Variants in TMC7 observed in about 807,000 individuals in gnomAD.
TMC7 encodes the protein transmembrane channel-like protein 7.
Under a neutral mutation model 82.9 loss-of-function variants are expected in TMC7, and 54 were observed. The observed-to-expected ratio is 0.65, with a 90% CI of 0.52 to 0.82. The LOEUF (loss-of-function observed/expected upper bound fraction) is 0.82. TMC7 is among the 40% of genes least tolerant of loss of function. TMC7 has a pLI of 0.00. For synonymous variants in TMC7, 350 were observed against 337.9 expected (o/e 1.04, Z -0.39); for missense variants, 820 against 901.2 (o/e 0.91, Z 1.15).
chr16:19,048,234 A>G (rs6497321), intron 12 of TMC7, among the ~76,000 whole-genome samples: 3 of 151,262 alleles, frequency 2.0e-5, no homozygotes, highest in Admixed American at 6.6e-5. Flanking sequence ...CTTCAACCCC[A>G]CAAAGTGCTG....
chr16:19,017,241 TA>T (rs1959738490), intron 3 of TMC7, among the ~76,000 whole-genome samples: 2 of 151,968 alleles, frequency 1.3e-5, no homozygotes, highest in Non-Finnish European at 2.9e-5. Context: ...CTATCACACA[TA>T]TTTTTAAAAT....
In TMC7 at chr16:19,009,240, T is replaced by C. The variant is rs2039293367; in HGVS notation, c.136T>C (p.Tyr46His). ...GAACTTCCTCCAAGAATTGCCAAGC[T>C]ACCGGTCCATTGCACGTAGGAGAAC... Reference protein sequence around the residue: ...PVNFLQELPSYRSIARRRTTV... With the variant: ...PVNFLQELPSHRSIARRRTTV... The change falls in exon 2 of 16, where the codon TAC becomes CAC. Residue 46 changes from tyrosine (Y) to histidine (H), a missense_variant. Tyr to His is a moderately conservative substitution (Grantham distance 83, BLOSUM62 2). Transcript: ENST00000304381. 6.2e-7 allele frequency: 1 copy of C among 1,614,062 alleles called. No homozygotes were observed. The highest frequency in any genetic ancestry group is 1.3e-5 in the African/African-American group (1 of 74,926).
chr16:19,044,955 A>C lies in TMC7; in HGVS notation c.1409A>C (p.Asp470Ala). The C allele has an allele frequency of 6.2e-7, 1 of 1,613,844 alleles. No individual in the cohort carries two copies. The highest frequency in any genetic ancestry group is 8.5e-7 in the Non-Finnish European group (1 of 1,179,930). Reference sequence around the variant, plus strand: ...CTGGGCTCCAAGATCACATCCTGTGATGATGACACATGTGACCTTTGCGGC... The same window carrying C: ...CTGGGCTCCAAGATCACATCCTGTGCTGATGACACATGTGACCTTTGCGGC... Reference protein sequence around the residue: ...FTLGSKITSCDDDTCDLCGYN... With the variant: ...FTLGSKITSCADDTCDLCGYN... Residue 470 changes from aspartate to alanine, a missense_variant, in exon 10 of 16, where the codon GAT becomes GCT. Physicochemically the swap from Asp to Ala is moderately radical, Grantham distance 126. This residue lies in a region of TMC7 where 650 missense variants were observed against 669.9 expected (regional missense o/e 0.97). Coordinates refer to ENST00000304381, the MANE Select transcript of TMC7 (RefSeq NM_024847.4).
At chr16:18,993,290 T>C (rs1014308195) in intron 1 of TMC7, among the ~76,000 whole-genome samples, 2 of 152,092 alleles carry the variant, frequency 1.3e-5, no homozygotes, top group Non-Finnish European at 2.9e-5. Flanking sequence ...AGTGGAGGAT[T>C]GGGGATAGAT....
intron 14 of TMC7, among the ~76,000 whole-genome samples, chr16:19,058,889 T>G (rs1489591307): frequency 2.0e-5 from 3 of 151,792 alleles, no homozygotes; most frequent in Non-Finnish European, 4.4e-5. Context: ...TTTCTTTTCC[T>G]TTTTTTTAGA....
intron 12 of TMC7, among the ~76,000 whole-genome samples, chr16:19,048,603 TAGAG>T (rs780858668): frequency 1.3e-5 from 2 of 151,932 alleles, no homozygotes; most frequent in Non-Finnish European, 2.9e-5. Flanking sequence ...GTATTTTTAT[TAGAG>T]AGAGAGTTTC....
chr16:19,054,740 C>CT (rs71143826), intron 13 of TMC7, among the ~76,000 whole-genome samples: 1,619 of 62,898 alleles, frequency 0.026, 69 homozygotes, highest in African/African-American at 0.061. Flanking sequence ...ATGGGATTTG[C>CT]TTTTTTTTTT....
intron 1 of TMC7, among the ~76,000 whole-genome samples, chr16:18,999,270 G>A (rs1471680443): frequency 1.3e-5 from 2 of 152,160 alleles, no homozygotes; most frequent in African/African-American, 4.8e-5. Flanking sequence ...AAAGTGTTGG[G>A]ATTATAGGCA....
At chr16:19,054,508 G>A (rs1280653261) in intron 13 of TMC7, among the ~76,000 whole-genome samples, 1 of 152,044 alleles carries the variant, frequency 6.6e-6, no homozygotes, top group Non-Finnish European at 1.5e-5. Flanking sequence ...CTGAGGTCAG[G>A]AGTTCGAGAC....
At chr16:19,018,396 T>C (rs915247794) in intron 3 of TMC7, among the ~76,000 whole-genome samples, 8 of 152,220 alleles carry the variant, frequency 5.3e-5, no homozygotes, top group African/African-American at 1.9e-4. Context: ...GCCTTCTTGC[T>C]GTGTTCACGT....
chr16:19,009,441 T>C (rs2039298555), intron 2 of TMC7, 26 bp downstream of exon 2: 1 of 1,601,292 alleles, frequency 6.2e-7, no homozygotes, highest in African/African-American at 1.3e-5. Flanking sequence ...ACCTGGAACC[T>C]GCATTGTGTA....
At chr16:19,032,634 G>A (rs1251797505) in intron 6 of TMC7, among the ~76,000 whole-genome samples, 1 of 151,306 alleles carries the variant, frequency 6.6e-6, no homozygotes, top group Non-Finnish European at 1.5e-5. Context: ...AAGGTTTTTT[G>A]TTTTTGTTTT....
intron 6 of TMC7, among the ~76,000 whole-genome samples, chr16:19,031,693 C>A (rs1356176158): frequency 6.6e-6 from 1 of 152,032 alleles, no homozygotes; most frequent in Admixed American, 6.6e-5. Flanking sequence ...ACAAACAAAA[C>A]AAAAACAAAA....
At chr16:19,059,634 C>T in intron 15 of TMC7, 140 bp downstream of exon 15, 1 of 1,569,662 alleles carries the variant, frequency 6.4e-7, no homozygotes, top group East Asian at 2.3e-5. Context: ...TGCCTTGAGG[C>T]CCAGCCGCGT....
At chr16:19,021,901 T>C (rs1959997113) in intron 4 of TMC7, 105 bp downstream of exon 4, 1 of 1,357,560 alleles carries the variant, frequency 7.4e-7, no homozygotes, top group Non-Finnish European at 1.0e-6. Flanking sequence ...CTTGGGCGAC[T>C]GTATTAGTCA....
intron 2 of TMC7, among the ~76,000 whole-genome samples, chr16:19,012,788 CAAAAAAAAAAAAAAAAA>C (rs139163132): frequency 1.5e-5 from 1 of 66,610 alleles, no homozygotes; most frequent in African/African-American, 7.0e-5. Flanking sequence ...GATTCCATCT[CAAAAAAAAAAAAAAAAA>C]AAAAAAAAAA....
chr16:18,992,543 A>G (rs1032771852), intron 1 of TMC7, among the ~76,000 whole-genome samples: 8 of 152,132 alleles, frequency 5.3e-5, no homozygotes, highest in African/African-American at 1.7e-4. Flanking sequence ...CCCATTCTGT[A>G]GGTTGCCTGT....
intron 1 of TMC7, among the ~76,000 whole-genome samples, chr16:19,001,328 A>G (rs2039137187): frequency 1.3e-5 from 2 of 152,168 alleles, no homozygotes; most frequent in Non-Finnish European, 2.9e-5. Flanking sequence ...GAAAGAGATA[A>G]GGTCCCTGCC....
chr16:19,046,832 C>CAAATAAAAA (rs1961294472), intron 11 of TMC7, among the ~76,000 whole-genome samples: 1 of 124,014 alleles, frequency 8.1e-6, no homozygotes, highest in Non-Finnish European at 1.7e-5. Context: ...GACCTTGTCT[C>CAAATAAAAA]AAAAAAAAAA....
Sources: allele counts gnomAD v4.1 joint callset (sites outside exome capture counted in the v4.1 genomes callset), GRCh38; gene constraint gnomAD v4.1.1; regional missense constraint gnomAD v4.1.1; transcripts MANE v1.5; gene names NCBI Gene and HGNC (gene_info 2026-07-23, HGNC 2026-07-21).